The following FHIT variants were observed in gnomAD, a reference collection of about 807,000 sequenced individuals.
FHIT encodes bis(5'-adenosyl)-triphosphatase.
FHIT carries 19 observed loss-of-function variants against 17.9 expected under a neutral mutation model. That is an observed-to-expected ratio of 1.06 (90% CI 0.74 to 1.56). FHIT has a LOEUF of 1.56. Ranked by LOEUF, FHIT falls within the 40% of genes most tolerant of loss-of-function variation. The probability of loss-of-function intolerance (pLI) is 0.00; values close to 1 mark genes in which losing one functional copy is unlikely to be tolerated. For synonymous variants in FHIT, 81 were observed against 69.7 expected, an observed-to-expected ratio of 1.16 and a Z score of -0.81; for missense variants, 248 against 189.2, an observed-to-expected ratio of 1.31 and a Z score of -1.82.
chr3:60,739,070 C>T (rs1044781444), intron 4 of FHIT, among the ~76,000 whole-genome samples: 1 of 152,154 alleles, frequency 6.6e-6, no homozygotes, highest in African/African-American at 2.4e-5. Flanking sequence ...AGAGTTTGGC[C>T]GCTGAACAGC....
chr3:60,877,510 C>G (rs1273424425), intron 3 of FHIT, among the ~76,000 whole-genome samples: 1 of 152,214 alleles, frequency 6.6e-6, no homozygotes, highest in Non-Finnish European at 1.5e-5. Context: ...TTCTAGGGGT[C>G]TGAGCCAAAA....
At chr3:61,242,746 A>C (rs915045654) in intron 1 of FHIT, among the ~76,000 whole-genome samples, 44 of 152,236 alleles carry the variant, frequency 2.9e-4, no homozygotes, top group Middle Eastern at 3.4e-3. Flanking sequence ...TGATCGGTCG[A>C]ATTGGAGATG....
chr3:60,554,807 G>C (rs1161192700), intron 4 of FHIT, among the ~76,000 whole-genome samples: 3 of 152,164 alleles, frequency 2.0e-5, no homozygotes, highest in Non-Finnish European at 4.4e-5. Flanking sequence ...CTGCATATGA[G>C]AGAAATTATT....
chr3:59,989,648 A>G (rs1212584407), intron 7 of FHIT, among the ~76,000 whole-genome samples: 1 of 152,104 alleles, frequency 6.6e-6, no homozygotes, highest in Non-Finnish European at 1.5e-5. Flanking sequence ...AGCAGATCTC[A>G]TTATGTCCCT....
intron 5 of FHIT, among the ~76,000 whole-genome samples, chr3:60,379,400 C>T (rs1700709617): frequency 6.7e-6 from 1 of 148,924 alleles, no homozygotes; most frequent in Non-Finnish European, 1.5e-5. Context: ...AATCCTAATA[C>T]TTAGATACTT....
intron 5 of FHIT, among the ~76,000 whole-genome samples, chr3:60,337,352 G>A (rs776737166): frequency 6.6e-6 from 1 of 151,970 alleles, no homozygotes; most frequent in African/African-American, 2.4e-5. Flanking sequence ...CGGTTTCGTG[G>A]CTTTACTACT....
intron 8 of FHIT, among the ~76,000 whole-genome samples, chr3:59,885,441 CT>C (rs60795525): frequency 0.017 from 2,268 of 135,828 alleles, 24 homozygotes; most frequent in Admixed American, 0.038. Context: ...CTACCTGATG[CT>C]TTTTTTTTTT....
chr3:61,098,142 G>C (rs2035701641), intron 2 of FHIT, among the ~76,000 whole-genome samples: 1 of 152,096 alleles, frequency 6.6e-6, no homozygotes, highest in Admixed American at 6.6e-5. Context: ...ATAAGGAAGG[G>C]GTTCAGTTTT....
At chr3:61,229,554 C>T (rs551570377) in intron 1 of FHIT, among the ~76,000 whole-genome samples, 2 of 152,292 alleles carry the variant, frequency 1.3e-5, no homozygotes, top group East Asian at 3.9e-4. Context: ...ACCTTACTAG[C>T]TGTGTTACCC....
At chr3:60,979,275 A>G (rs1034401787) in intron 3 of FHIT, among the ~76,000 whole-genome samples, 1 of 152,136 alleles carries the variant, frequency 6.6e-6, no homozygotes, top group Non-Finnish European at 1.5e-5. Context: ...CTTCATTCCC[A>G]TGTGATCCAG....
chr3:60,091,887 G>A (rs1703748814), intron 5 of FHIT, among the ~76,000 whole-genome samples: 1 of 152,022 alleles, frequency 6.6e-6, no homozygotes, highest in African/African-American at 2.4e-5. Flanking sequence ...ACAGAACTGT[G>A]AGCCAATTAA....
At chr3:60,846,659 A>T (rs1702935826) in intron 3 of FHIT, among the ~76,000 whole-genome samples, 1 of 152,212 alleles carries the variant, frequency 6.6e-6, no homozygotes, top group East Asian at 1.9e-4. Flanking sequence ...TCTTTAAGAA[A>T]CTAGCAAATC....
intron 8 of FHIT, among the ~76,000 whole-genome samples, chr3:59,868,585 C>G (rs552866476): frequency 6.6e-6 from 1 of 152,206 alleles, no homozygotes; most frequent in Non-Finnish European, 1.5e-5. Flanking sequence ...GACAGCAATA[C>G]AGAACCTCAA....
At chr3:59,939,901 G>A (rs765063500) in intron 7 of FHIT, among the ~76,000 whole-genome samples, 45 of 152,230 alleles carry the variant, frequency 3.0e-4, no homozygotes, top group Admixed American at 8.5e-4. Context: ...TGTAAAGTGC[G>A]CTCCATGGTC....
intron 4 of FHIT, among the ~76,000 whole-genome samples, chr3:60,630,336 A>G (rs1414050102): frequency 6.6e-6 from 1 of 152,228 alleles, no homozygotes; most frequent in Non-Finnish European, 1.5e-5. Context: ...ATTTTGAATA[A>G]TCAGCCTCTA....
At position 60,177,403 on chromosome 3, in the gene FHIT, G is replaced by C. The variant is rs191602265; in HGVS notation, c.104-163251C>G. On this transcript the variant is annotated intron_variant, in intron 5 of 9. Transcript: ENST00000492590. The stretch of plus-strand genomic sequence containing the variant: ...GAAAAAAACTAAAGGCATTCACAAA[G>C]GTATTGGTAACTCGTCTTATGATCA... Among the ~76,000 whole-genome samples the C allele has an allele frequency of 3.0e-3, 462 of 152,110 alleles. 3 individuals carry two copies. Among genetic ancestry groups the C allele is most frequent in the Non-Finnish European group, 5.7e-3 (389 of 68,008 alleles).
intron 2 of FHIT, among the ~76,000 whole-genome samples, chr3:61,182,050 G>A (rs1340845938): frequency 5.3e-5 from 8 of 152,054 alleles, no homozygotes; most frequent in Non-Finnish European, 8.8e-5. Context: ...ATGTGAAATC[G>A]GATACTCTGA....
chr3:60,250,585 TC>T (rs1040101176), intron 5 of FHIT, among the ~76,000 whole-genome samples: 46 of 152,160 alleles, frequency 3.0e-4, no homozygotes, highest in African/African-American at 1.0e-3. Context: ...ATTTAGAATT[TC>T]CAGGGCATGG....
chr3:60,126,237 G>A (rs760058905), intron 5 of FHIT, among the ~76,000 whole-genome samples: 2 of 152,104 alleles, frequency 1.3e-5, no homozygotes, highest in Non-Finnish European at 2.9e-5. Context: ...CTTTGGGCTT[G>A]AGTCTTTAAA....
Sources: allele counts gnomAD v4.1 joint callset (sites outside exome capture counted in the v4.1 genomes callset), GRCh38; gene constraint gnomAD v4.1.1; transcripts MANE v1.5; gene names NCBI Gene and HGNC (gene_info 2026-07-23, HGNC 2026-07-21).